PCED1B: variants seen among roughly 807,000 people sequenced by gnomAD.
PCED1B encodes PC-esterase domain-containing protein 1B.
For synonymous variants in PCED1B, 251 were observed against 246.1 expected (o/e 1.02, Z -0.19); for missense variants, 573 against 573.9 (o/e 1.00, Z 0.02).
intron 1 of PCED1B, among the ~76,000 whole-genome samples, chr12:47,086,884 C>T (rs1479383886): frequency 2.0e-5 from 3 of 152,102 alleles, no homozygotes; most frequent in Middle Eastern, 3.2e-3. Flanking sequence ...AATTGGATTT[C>T]CTGTAGCAGT....
chr12:47,202,972 C>CTTT (rs59472089), intron 2 of PCED1B, among the ~76,000 whole-genome samples: 15 of 142,650 alleles, frequency 1.1e-4, no homozygotes, highest in African/African-American at 3.3e-4. Context: ...TCTTTTCTTT[C>CTTT]TTTTTTTTTT....
chr12:47,229,313 C>T (rs1301995702), intron 3 of PCED1B, among the ~76,000 whole-genome samples: 1 of 151,526 alleles, frequency 6.6e-6, no homozygotes, highest in Non-Finnish European at 1.5e-5. Flanking sequence ...ACTCGGGAGG[C>T]CAAGACAGGA....
At chr12:47,182,716 G>T (rs1015920672) in intron 2 of PCED1B, among the ~76,000 whole-genome samples, 1 of 152,122 alleles carries the variant, frequency 6.6e-6, no homozygotes, top group South Asian at 2.1e-4. Flanking sequence ...CACAGTTGAC[G>T]AAAACTGTGG....
chr12:47,208,077 T>C (rs192838927), intron 2 of PCED1B, among the ~76,000 whole-genome samples: 1 of 152,272 alleles, frequency 6.6e-6, no homozygotes, highest in Non-Finnish European at 1.5e-5. Context: ...ATTGTAAAGC[T>C]TTAAATAAAT....
At chr12:47,124,507 G>C (rs1939807590) in intron 2 of PCED1B, among the ~76,000 whole-genome samples, 1 of 81,760 alleles carries the variant, frequency 1.2e-5, no homozygotes, top group Admixed American at 1.3e-4. Flanking sequence ...GTATATACAT[G>C]AGGTTTTTTT....
intron 1 of PCED1B, among the ~76,000 whole-genome samples, chr12:47,085,293 C>T (rs1056146769): frequency 2.0e-5 from 3 of 152,194 alleles, no homozygotes; most frequent in Non-Finnish European, 2.9e-5. Context: ...GCCCAAGTCC[C>T]GGGAACCCTG....
chr12:47,206,367 A>G (rs1167701670), intron 2 of PCED1B: 1 of 152,234 alleles, frequency 6.6e-6, no homozygotes, highest in African/African-American at 2.4e-5. Context: ...AAGTTAGTTC[A>G]GCCTATGCCC....
chr12:47,204,821 A>G (rs1489615641), intron 2 of PCED1B, among the ~76,000 whole-genome samples: 1 of 152,210 alleles, frequency 6.6e-6, no homozygotes, highest in Non-Finnish European at 1.5e-5. Context: ...AATAAATACT[A>G]TATACTTAGT....
At chr12:47,149,558 T>C (rs1007186613) in intron 2 of PCED1B, among the ~76,000 whole-genome samples, 15 of 152,226 alleles carry the variant, frequency 9.9e-5, no homozygotes, top group African/African-American at 3.6e-4. Flanking sequence ...CCTTTAAAAG[T>C]TGACTCTGGA....
At chr12:47,110,214 C>CAA (rs1385673212) in intron 2 of PCED1B, among the ~76,000 whole-genome samples, 1 of 152,140 alleles carries the variant, frequency 6.6e-6, no homozygotes, top group Non-Finnish European at 1.5e-5. Flanking sequence ...AATGAATGGA[C>CAA]AATTAGTCCT....
intron 3 of PCED1B, among the ~76,000 whole-genome samples, chr12:47,228,068 C>T (rs185068209): frequency 1.2e-3 from 175 of 150,764 alleles, no homozygotes; most frequent in Non-Finnish European, 1.8e-3. Flanking sequence ...AAGTCACACT[C>T]TGTTGCCCAG....
intron 2 of PCED1B, chr12:47,206,141 AG>A (rs1194489401): frequency 1.3e-5 from 2 of 152,206 alleles, no homozygotes; most frequent in Non-Finnish European, 2.9e-5. Context: ...CATCACATGC[AG>A]GGTCTGCAAA....
intron 2 of PCED1B, among the ~76,000 whole-genome samples, chr12:47,157,430 A>G (rs75009821): frequency 0.018 from 2,798 of 152,120 alleles, 84 homozygotes; most frequent in African/African-American, 0.062. Context: ...CTCTGTAAGA[A>G]ACTTTAAAAA....
chr12:47,134,599 G>A (rs1940271913), intron 2 of PCED1B, among the ~76,000 whole-genome samples: 3 of 152,338 alleles, frequency 2.0e-5, no homozygotes, highest in African/African-American at 7.2e-5. Context: ...GTCTGGTGCA[G>A]TGGCTCATGC....
intron 2 of PCED1B, among the ~76,000 whole-genome samples, chr12:47,211,485 C>CT (rs1484880699): frequency 6.8e-6 from 1 of 147,954 alleles, no homozygotes; most frequent in Non-Finnish European, 1.5e-5. Context: ...AACCCCAACT[C>CT]TACTTTAAAA....
Position 47,236,215 on chromosome 12 carries a change from C to A in PCED1B, c.1152C>A (p.Phe384Leu). Residue 384 changes from phenylalanine (F) to leucine (L), a missense_variant, in exon 4 of 4, where the codon TTC becomes TTA. Phe to Leu is a conservative substitution (Grantham distance 22). Transcript: ENST00000546455. ...GTCCTCAGCTGCCTATGCCCTTCTT[C>A]CCCACACCCCGTTATCAGCGGCCTG... ...MVGPQLPMPF[F>L]PTPRYQRPAP... 13 of 1,614,136 alleles carry A rather than the reference C, an allele frequency of 8.1e-6. No homozygotes were observed. The highest frequency in any genetic ancestry group is 1.0e-5 in the Non-Finnish European group (12 of 1,180,024).
chr12:47,178,806 GCAGT>G (rs1473501959), intron 2 of PCED1B, among the ~76,000 whole-genome samples: 3 of 149,020 alleles, frequency 2.0e-5, no homozygotes, highest in Non-Finnish European at 4.4e-5. Context: ...GGTGGAGGTT[GCAGT>G]GAGCCGTGAT....
intron 2 of PCED1B, among the ~76,000 whole-genome samples, chr12:47,140,232 C>T (rs140466624): frequency 2.8e-4 from 42 of 152,318 alleles, no homozygotes; most frequent in African/African-American, 9.6e-4. Context: ...GCTTTTGCTA[C>T]ATCATCCTGA....
chr12:47,211,273 A>T (rs1943069185), intron 2 of PCED1B, among the ~76,000 whole-genome samples: 1 of 152,174 alleles, frequency 6.6e-6, no homozygotes, highest in South Asian at 2.1e-4. Context: ...CCGAAGGAGC[A>T]CTCGATGGAT....
Sources: gnomAD v4.1 joint callset for allele counts (sites outside exome capture counted in the v4.1 genomes callset) on GRCh38, gnomAD v4.1.1 for gene constraint, MANE v1.5 for transcripts, NCBI Gene and HGNC (gene_info 2026-07-23, HGNC 2026-07-21) for gene names.